Variants in RYR1 observed in about 807,000 individuals in gnomAD.
RYR1 encodes ryanodine receptor 1.
RYR1 carries 342 observed loss-of-function variants against 583.5 expected under a neutral mutation model. That is an observed-to-expected ratio of 0.59 (90% CI 0.54 to 0.64). The LOEUF is 0.64. Ranked by LOEUF, RYR1 falls within the 30% of genes least tolerant of loss-of-function variation. The pLI is 0.00. For synonymous variants in RYR1, 2,791 were observed against 2,822.5 expected (o/e 0.99, Z 0.35); for missense variants, 6,032 against 6,917.2 (o/e 0.87, Z 4.54).
intron 91 of RYR1, 45 bp from the exon 92 acceptor site, chr19:38,566,866 G>C: frequency 6.4e-7 from 1 of 1,573,324 alleles, no homozygotes; most frequent in Non-Finnish European, 8.6e-7. Flanking sequence ...AGCCTGAGAA[G>C]CGCTTAGGGT....
chr19:38,439,024 T>C (rs1376027295), intron 1 of RYR1, among the ~76,000 whole-genome samples: 2 of 152,060 alleles, frequency 1.3e-5, no homozygotes, highest in African/African-American at 4.8e-5. Context: ...GGCAGGGATC[T>C]TGATCTTCAT....
intron 88 of RYR1, among the ~76,000 whole-genome samples, chr19:38,547,095 G>A (rs1029672814): frequency 7.3e-5 from 11 of 151,062 alleles, no homozygotes; most frequent in African/African-American, 2.2e-4. Flanking sequence ...CTGGAGGTGC[G>A]GTGGCGCGAT....
At chr19:38,550,034 G>A (rs1972600791) in intron 89 of RYR1, among the ~76,000 whole-genome samples, 1 of 151,806 alleles carries the variant, frequency 6.6e-6, no homozygotes, top group Non-Finnish European at 1.5e-5. Context: ...GGGATTACAA[G>A]CATGAACCAC....
rs373333757 is a variant in RYR1, at chr19:38,496,957, G to T, written c.6891+3G>T. 3.3e-5 allele frequency: 54 copies of T among 1,612,792 alleles called. No individual in the cohort carries two copies. Among genetic ancestry groups the T allele is most frequent in the Non-Finnish European group, 4.5e-5 (53 of 1,179,416 alleles). ...TGCAGGAGCAGGACCTGGAAAAGGTGTGGAGGGCAGGGCTGGGCCCCAGGC... is the reference window on the plus strand; with the variant it reads ...TGCAGGAGCAGGACCTGGAAAAGGTTTGGAGGGCAGGGCTGGGCCCCAGGC... On this transcript the variant is annotated splice_donor_region_variant and intron_variant, in intron 42 of 105. Coordinates refer to ENST00000359596, the MANE Select transcript of RYR1 (RefSeq NM_000540.3). The surrounding 1 kb of genome is among the most constrained non-coding windows in gnomAD (Gnocchi z 4.8).
At chr19:38,475,962 G>A (rs543215052) in intron 29 of RYR1, among the ~76,000 whole-genome samples, 16 of 152,286 alleles carry the variant, frequency 1.1e-4, no homozygotes, top group East Asian at 5.8e-4. Flanking sequence ...CCACGGATGC[G>A]GGGAAGGATG....
Position 38,543,616 on chromosome 19 carries a change from T to G in RYR1, c.11863T>G (p.Ser3955Ala). The change falls in exon 86 of 106, where the codon TCG becomes GCG. Residue 3955 changes from serine (S) to alanine (A), a missense_variant. Coordinates refer to ENST00000359596, the MANE Select transcript of RYR1 (RefSeq NM_000540.3). This position sits in a 1 kb window ranked among gnomAD's most constrained non-coding sequence, Gnocchi z 4.4. ...CAAGAGGAACTTCTCCAAAGCCATG[T>G]CGGTGGCTAAGCAGGTGTTCAACAG... Reference protein sequence around the residue: ...QGKRNFSKAMSVAKQVFNSLT... With the variant: ...QGKRNFSKAMAVAKQVFNSLT... The G allele has an allele frequency of 6.2e-7, 1 of 1,614,164 alleles. No individual in the cohort carries two copies. The highest frequency in any genetic ancestry group is 1.1e-5 in the South Asian group (1 of 91,086).
intron 50 of RYR1, 80 bp from the exon 51 acceptor site, chr19:38,504,668 T>G (rs1162751073): frequency 5.1e-6 from 8 of 1,570,850 alleles, no homozygotes; most frequent in Non-Finnish European, 7.0e-6. Context: ...GGCTGATGAT[T>G]GCAGTGTGTG....
chr19:38,586,970 C>A (rs1434947839), intron 105 of RYR1, among the ~76,000 whole-genome samples: 1 of 151,398 alleles, frequency 6.6e-6, no homozygotes, highest in Non-Finnish European at 1.5e-5. Context: ...TACTCCATCT[C>A]AAAAAAAATG....
chr19:38,497,000 GC>G lies in RYR1; in HGVS notation c.6891+48del, dbSNP rs750827568. 1.4e-5 allele frequency: 21 copies of G among 1,538,208 alleles called. No homozygotes were observed. The highest frequency in any genetic ancestry group is 1.8e-5 in the Non-Finnish European group (20 of 1,113,220). ...CCCCAGGCCTAAGGGAGGAAATCGGGCCGCTACCCGGCTGCTTGGGACACCT... is the reference window on the plus strand; with the variant it reads ...CCCCAGGCCTAAGGGAGGAAATCGGGCGCTACCCGGCTGCTTGGGACACCT... On this transcript the variant is annotated intron_variant, in intron 42 of 105. Transcript: ENST00000359596. This position sits in a 1 kb window ranked among gnomAD's most constrained non-coding sequence, Gnocchi z 4.8.
chr19:38,538,607 A>T (rs1486473932), intron 84 of RYR1: 1 of 152,774 alleles, frequency 6.5e-6, no homozygotes, highest in Non-Finnish European at 1.5e-5. Flanking sequence ...GGATTTCTGT[A>T]CTTTAGGTCC....
At chr19:38,566,871 T>C in intron 91 of RYR1, 40 bp from the exon 92 acceptor site, 1 of 1,579,752 alleles carries the variant, frequency 6.3e-7, no homozygotes. Context: ...GAGAAGCGCT[T>C]AGGGTGAGGA....
intron 89 of RYR1, among the ~76,000 whole-genome samples, chr19:38,554,862 G>A (rs1256842475): frequency 6.6e-6 from 1 of 152,042 alleles, no homozygotes; most frequent in Non-Finnish European, 1.5e-5. Context: ...AATTTTATTT[G>A]TCTCTTAATT....
At position 38,538,993 on chromosome 19, in the gene RYR1, C is replaced by G. The variant is rs564387694; in HGVS notation, c.11689+1033C>G. ...CAGGTGATTAGGAAACCACAGACTA[C>G]CCGGAAATCAACTTTCGTGACAAGA... On this transcript the variant is annotated intron_variant, in intron 84 of 105. Coordinates refer to ENST00000359596, the MANE Select transcript of RYR1 (RefSeq NM_000540.3). Among the ~76,000 whole-genome samples, 515 of 152,274 alleles carry G rather than the reference C, an allele frequency of 3.4e-3. 1 individual carries two copies. The highest frequency in any genetic ancestry group is 6.0e-3 in the Non-Finnish European group (408 of 68,028).
chr19:38,578,343 C>T (rs1974052538), intron 99 of RYR1, 139 bp downstream of exon 99: 1 of 772,188 alleles, frequency 1.3e-6, no homozygotes, highest in Non-Finnish European at 2.2e-6. Context: ...TTCTTATCCA[C>T]ACAAGGCTCC....
At chr19:38,508,774 C>G (rs535092280) in intron 58 of RYR1, among the ~76,000 whole-genome samples, 11 of 152,094 alleles carry the variant, frequency 7.2e-5, no homozygotes, top group African/African-American at 2.4e-4. Context: ...TCATGCAGGG[C>G]TTTGCAAGCT....
chr19:38,501,711 G>A (rs1054122691), intron 47 of RYR1, among the ~76,000 whole-genome samples: 1 of 152,132 alleles, frequency 6.6e-6, no homozygotes, highest in Admixed American at 6.5e-5. Context: ...GCCTGGGGCT[G>A]TGCATGGTGG....
Position 38,565,525 on chromosome 19 carries a change from C to T in RYR1, c.13191C>T (p.Ala4397=), listed in dbSNP as rs543458339. 7.1e-5 allele frequency: 107 copies of T among 1,502,826 alleles called. 1 individual carries two copies. The South Asian group carries it at 1.3e-3, about 18-fold the overall frequency. 93.1% of individuals were successfully genotyped at this position (1,502,826 alleles called of 1,614,324 possible). ...ACGAGGTGCACGGCGAGCAGCCGGC[C>T]GGGCCGGGCGGAGACGCAGACGGCG... ...TSDEVHGEQP[A]GPGGDADGEG... The change falls in exon 91 of 106, where the codon GCC becomes GCT. Residue 4397 remains alanine, a synonymous_variant. Coordinates refer to ENST00000359596, the MANE Select transcript of RYR1 (RefSeq NM_000540.3). The surrounding 1 kb of genome is among the most constrained non-coding windows in gnomAD (Gnocchi z 4.7).
At chr19:38,435,906 GTTTA>G (rs1012746933) in intron 1 of RYR1, among the ~76,000 whole-genome samples, 2 of 151,882 alleles carry the variant, frequency 1.3e-5, no homozygotes, top group Admixed American at 6.6e-5. Context: ...TTTTGTTTTT[GTTTA>G]TTTATTTATT....
At chr19:38,551,660 C>A (rs1485868418) in intron 89 of RYR1, among the ~76,000 whole-genome samples, 1 of 152,118 alleles carries the variant, frequency 6.6e-6, no homozygotes, top group Admixed American at 6.5e-5. Flanking sequence ...GACCTCTTTA[C>A]CTCTGACTGT....
Sources: gnomAD v4.1 joint callset for allele counts (sites outside exome capture counted in the v4.1 genomes callset) on GRCh38, gnomAD v4.1.1 for gene constraint, Gnocchi (gnomAD v3.1) non-coding constraint, MANE v1.5 for transcripts, NCBI Gene and HGNC (gene_info 2026-07-23, HGNC 2026-07-21) for gene names.